Variants in DCHS2 observed in about 807,000 individuals in gnomAD.
The protein encoded by DCHS2 is protocadherin-23.
In DCHS2, 142 loss-of-function variants were observed where a neutral mutation model predicts 182.4. That is an observed-to-expected ratio of 0.78 (90% confidence interval 0.68 to 0.89). DCHS2 has a LOEUF of 0.89. Among genes scored for constraint, DCHS2 ranks in the 40% least tolerant of loss-of-function variants. DCHS2 has a pLI of 0.00. For missense variants in DCHS2, 4,319 were observed against 4,198.6 expected, an observed-to-expected ratio of 1.03 and a Z score of -0.79; for synonymous variants, 1,740 against 1,663.3, an observed-to-expected ratio of 1.05 and a Z score of -1.12.
intron 1 of DCHS2, among the ~76,000 whole-genome samples, chr4:154,428,374 T>A (rs529084911): frequency 1.3e-5 from 2 of 151,802 alleles, no homozygotes; most frequent in African/African-American, 2.4e-5. Flanking sequence ...ACCCCCCATC[T>A]CTACAAAAAT....
At chr4:154,373,332 T>C (rs1398076796) in intron 2 of DCHS2, among the ~76,000 whole-genome samples, 1 of 152,200 alleles carries the variant, frequency 6.6e-6, no homozygotes. Context: ...GAAGTCACCC[T>C]GTAAAAACTC....
rs545406120 is a variant in DCHS2 at position 154,266,651 on chromosome 4, G to A, written c.6577+3249C>T. On this transcript the variant is annotated intron_variant, in intron 14 of 19. Coordinates refer to ENST00000357232, the MANE Select transcript of DCHS2 (RefSeq NM_001358235.2). ...AGCCTGGGCAACAGAGCAAGGCTCC[G>A]TCTCAAAAAAAAAAAAAAAAGAAAG... Among the ~76,000 whole-genome samples the A allele has an allele frequency of 5.8e-3, 235 of 40,230 alleles. 1 individual carries two copies. Among genetic ancestry groups the A allele is most frequent in the African/African-American group, 0.021 (204 of 9,798 alleles). 26.4% of individuals were successfully genotyped at this position (40,230 alleles called of 152,430 possible).
chr4:154,370,414 T>G (rs185784445), intron 2 of DCHS2, among the ~76,000 whole-genome samples: 8 of 152,182 alleles, frequency 5.3e-5, no homozygotes, highest in Admixed American at 4.6e-4. Flanking sequence ...AGAAGAAGAA[T>G]AAAATGGTTT....
intron 14 of DCHS2, among the ~76,000 whole-genome samples, chr4:154,264,096 C>G (rs1467502893): frequency 6.6e-6 from 1 of 152,130 alleles, no homozygotes; most frequent in Non-Finnish European, 1.5e-5. Flanking sequence ...ACTGGCTTCT[C>G]CCTGATGATT....
intron 7 of DCHS2, chr4:154,323,128 A>G: frequency 2.1e-6 from 3 of 1,434,606 alleles, no homozygotes; most frequent in South Asian, 2.9e-5. Flanking sequence ...GTATCCTGAC[A>G]TTTTCCATGA....
In DCHS2 at chr4:154,334,860, G is replaced by A. The variant is rs2111369887; in HGVS notation, c.2713+8C>T. On this transcript the variant is annotated splice_region_variant and intron_variant, in intron 4 of 19. Coordinates refer to ENST00000357232, the MANE Select transcript of DCHS2 (RefSeq NM_001358235.2). The stretch of plus-strand genomic sequence containing the variant: ...GAATTCCATGCAGCATAAGAAATAA[G>A]TACTTACTCAAGGGCTCTCTTGCTT... The A allele has an allele frequency of 6.3e-7, 1 of 1,585,402 alleles. No individual in the cohort carries two copies. Among genetic ancestry groups the A allele is most frequent in the Non-Finnish European group, 8.7e-7 (1 of 1,153,970 alleles).
intron 16 of DCHS2, among the ~76,000 whole-genome samples, chr4:154,250,530 A>G (rs1732302958): frequency 6.6e-6 from 1 of 152,180 alleles, no homozygotes; most frequent in Non-Finnish European, 1.5e-5. Context: ...CCACCTCAAA[A>G]TACCCAGAAT....
At chr4:154,240,354 A>G (rs1308034397) in intron 18 of DCHS2, among the ~76,000 whole-genome samples, 183 bp downstream of exon 18, 7 of 152,086 alleles carry the variant, frequency 4.6e-5, no homozygotes, top group Non-Finnish European at 1.0e-4. Context: ...CGAATGAGAC[A>G]TTCATTTCCA....
intron 1 of DCHS2, among the ~76,000 whole-genome samples, chr4:154,425,120 T>C (rs1733268830): frequency 6.6e-6 from 1 of 152,170 alleles, no homozygotes; most frequent in African/African-American, 2.4e-5. Context: ...TTATTCACCA[T>C]GGCTGTGCAA....
chr4:154,272,969 C>T (rs1434565414), intron 13 of DCHS2, among the ~76,000 whole-genome samples: 2 of 152,040 alleles, frequency 1.3e-5, no homozygotes, highest in Non-Finnish European at 2.9e-5. Context: ...CAGAAACTTC[C>T]TCATAGTTCC....
At chr4:154,414,196 T>TAG (rs1187277273) in intron 1 of DCHS2, among the ~76,000 whole-genome samples, 6,044 of 145,662 alleles carry the variant, frequency 0.041, 330 homozygotes, top group African/African-American at 0.13. Context: ...TATATATATA[T>TAG]AGAGAGAGAG....
intron 1 of DCHS2, among the ~76,000 whole-genome samples, chr4:154,483,286 A>G (rs946936003): frequency 1.3e-5 from 2 of 152,232 alleles, no homozygotes; most frequent in Non-Finnish European, 1.5e-5. Flanking sequence ...CTAGAAAAAA[A>G]TCTAGATTAA....
chr4:154,307,497 A>G (rs987299541), intron 10 of DCHS2, among the ~76,000 whole-genome samples: 8 of 152,120 alleles, frequency 5.3e-5, no homozygotes, highest in Admixed American at 2.0e-4. Context: ...CAAGACCTGC[A>G]GTCCCATGAC....
At chr4:154,462,336 G>A (rs1735042820) in intron 1 of DCHS2, among the ~76,000 whole-genome samples, 1 of 152,096 alleles carries the variant, frequency 6.6e-6, no homozygotes, top group South Asian at 2.1e-4. Flanking sequence ...TCAAGCAAAG[G>A]ACTACGAACA....
chr4:154,353,708 C>G lies in DCHS2; in HGVS notation c.2476+12502G>C, dbSNP rs370826843. Reference sequence around the variant, plus strand: ...CTCAGACTTCTAAGCATTCCTCTAGCGAAGTGCTACGCTATTTGTTCTATT... The same window carrying G: ...CTCAGACTTCTAAGCATTCCTCTAGGGAAGTGCTACGCTATTTGTTCTATT... On this transcript the variant is annotated intron_variant, in intron 3 of 19. Coordinates refer to ENST00000357232, the MANE Select transcript of DCHS2 (RefSeq NM_001358235.2). Among the ~76,000 whole-genome samples the G allele has an allele frequency of 2.6e-5, 4 of 152,288 alleles. No homozygotes were observed. The East Asian group carries it at 7.7e-4, about 29-fold the overall frequency.
chr4:154,290,913 A>G (rs10428409), intron 13 of DCHS2, among the ~76,000 whole-genome samples: 149,071 of 152,198 alleles, frequency 0.98, 73,082 homozygotes, highest in Middle Eastern at 1. Flanking sequence ...ACAAACACAG[A>G]CAACCAAAGC....
At chr4:154,458,016 A>G (rs1338757824) in intron 1 of DCHS2, among the ~76,000 whole-genome samples, 1 of 152,194 alleles carries the variant, frequency 6.6e-6, no homozygotes, top group Non-Finnish European at 1.5e-5. Context: ...TCAGTCATAT[A>G]CAGAAATAAA....
intron 1 of DCHS2, among the ~76,000 whole-genome samples, chr4:154,441,163 C>T (rs1249026154): frequency 2.6e-5 from 4 of 152,216 alleles, no homozygotes; most frequent in Non-Finnish European, 5.9e-5. Flanking sequence ...TAAAATAGAA[C>T]GGAAAGCCTC....
intron 15 of DCHS2, 43 bp downstream of exon 15, chr4:154,259,502 A>ACACC (rs1732868733): frequency 4.5e-6 from 2 of 444,518 alleles, no homozygotes; most frequent in South Asian, 1.1e-4. Flanking sequence ...AGACACACCC[A>ACACC]CACACACACA....
Sources: allele counts gnomAD v4.1 joint callset (sites outside exome capture counted in the v4.1 genomes callset), GRCh38; gene constraint gnomAD v4.1.1; transcripts MANE v1.5; gene names NCBI Gene and HGNC (gene_info 2026-07-23, HGNC 2026-07-21).